BAHCC1: variants seen among roughly 807,000 people sequenced by gnomAD.
BAHCC1 encodes BAH and coiled-coil domain-containing protein 1.
BAHCC1 carries 43 observed loss-of-function variants against 88.2 expected under a neutral mutation model. That is an observed-to-expected ratio of 0.49 (90% CI 0.38 to 0.63). The LOEUF is 0.63. Among genes scored for constraint, BAHCC1 ranks in the 20% least tolerant of loss-of-function variants. BAHCC1 has a pLI of 0.00. For synonymous variants in BAHCC1, 1,510 were observed against 745.5 expected, an observed-to-expected ratio of 2.03 and a Z score of -16.71; for missense variants, 3,023 against 1,654.8, an observed-to-expected ratio of 1.83 and a Z score of -14.34.
intron 14 of BAHCC1, among the ~76,000 whole-genome samples, chr17:81,453,315 A>G (rs1335598779): frequency 6.6e-6 from 1 of 152,256 alleles, no homozygotes; most frequent in Non-Finnish European, 1.5e-5. Flanking sequence ...CGGGCCTGGT[A>G]TAATTGTCCT....
chr17:81,409,404 AG>A (rs2063920878), intron 2 of BAHCC1, among the ~76,000 whole-genome samples: 2 of 152,152 alleles, frequency 1.3e-5, no homozygotes, highest in African/African-American at 2.4e-5. Flanking sequence ...GGCCTGGGGA[AG>A]GGGGGAAGTG....
intron 2 of BAHCC1, among the ~76,000 whole-genome samples, chr17:81,417,838 G>A (rs1194834908): frequency 6.6e-6 from 1 of 152,252 alleles, no homozygotes; most frequent in Non-Finnish European, 1.5e-5. Context: ...TCCTGTTCCT[G>A]GGCGGGCGCC....
intron 3 of BAHCC1, among the ~76,000 whole-genome samples, chr17:81,427,416 G>C (rs1484063867): frequency 6.6e-6 from 1 of 152,154 alleles, no homozygotes; most frequent in Non-Finnish European, 1.5e-5. Flanking sequence ...CACACAGGCT[G>C]CCACCCAGGG....
At chr17:81,449,517 G>T (rs1353713431) in intron 11 of BAHCC1, among the ~76,000 whole-genome samples, 1 of 152,232 alleles carries the variant, frequency 6.6e-6, no homozygotes, top group African/African-American at 2.4e-5. Flanking sequence ...CCATCTGGGT[G>T]AGGCCACGTG....
At position 81,418,945 on chromosome 17, in the gene BAHCC1, C is replaced by T. The variant is rs117022809; in HGVS notation, c.179-7855C>T. Among the ~76,000 whole-genome samples, 1,430 of 151,994 alleles carry T rather than the reference C, an allele frequency of 9.4e-3. 13 individuals are homozygous for T. Among genetic ancestry groups the T allele is most frequent in the Non-Finnish European group, 0.012 (837 of 67,992 alleles). On this transcript the variant is annotated intron_variant, in intron 2 of 27. Transcript: ENST00000675386. ...ACACACCCCGTGAGTCACACACAGT[C>T]CCTCCCCTGCCTCTGTGCAAGTGTG...
chr17:81,456,993 A>G (rs1555657467), intron 16 of BAHCC1, among the ~76,000 whole-genome samples: 3 of 152,102 alleles, frequency 2.0e-5, no homozygotes, highest in Admixed American at 1.3e-4. Flanking sequence ...CTAGAAAAAT[A>G]GAAGCTTCCT....
In BAHCC1 at chr17:81,449,913, A is replaced by G. The variant is rs545240552; in HGVS notation, c.3977-1755A>G. On this transcript the variant is annotated intron_variant, in intron 11 of 27. Transcript: ENST00000675386. ...TACTTGAGGAGGGAAGCAGCCACGC[A>G]CCATGGAGTGCCCCAGCCTGGGCGC... Among the ~76,000 whole-genome samples, 100 of 152,216 alleles carry G rather than the reference A, an allele frequency of 6.6e-4. No individual in the cohort carries two copies. The Middle Eastern group carries it at 0.027, about 41-fold the overall frequency.
At chr17:81,407,216 G>A (rs1243493860) in intron 2 of BAHCC1, 1 of 417,142 alleles carries the variant, frequency 2.4e-6, no homozygotes, top group Admixed American at 2.8e-5. Context: ...TGGGGGATGG[G>A]TGTGCTTCCA....
chr17:81,413,129 C>T (rs1555648087), intron 2 of BAHCC1: 1 of 445,858 alleles, frequency 2.2e-6, no homozygotes, highest in East Asian at 7.8e-5. Flanking sequence ...CTGAGGCCCC[C>T]CACAGCAGCC....
chr17:81,425,719 GGGTGATGTGGTTGGT>G (rs1224263672), intron 2 of BAHCC1, among the ~76,000 whole-genome samples: 13 of 140,128 alleles, frequency 9.3e-5, no homozygotes, highest in South Asian at 2.4e-4. Context: ...TGATAGTGGT[GGGTGATGTGGTTGGT>G]GGTGATGTGG....
At position 81,410,288 on chromosome 17, in the gene BAHCC1, C is replaced by A. The variant is rs11656171; in HGVS notation, c.178+10371C>A. On this transcript the variant is annotated intron_variant, in intron 2 of 27. Transcript: ENST00000675386. ...CTGGGACCCTTGGTGGGGCCTCCCC[C>A]CTGGGCAGCAGGCAGCGAGACTCCT... Among the ~76,000 whole-genome samples the A allele has an allele frequency of 1.7e-3, 259 of 152,238 alleles. 1 individual carries two copies. Among genetic ancestry groups the A allele is most frequent in the African/African-American group, 6.0e-3 (248 of 41,540 alleles).
At chr17:81,412,908 G>T (rs1422142155) in intron 2 of BAHCC1, among the ~76,000 whole-genome samples, 2 of 152,240 alleles carry the variant, frequency 1.3e-5, no homozygotes, top group East Asian at 3.8e-4. Flanking sequence ...GCTGTCGTGG[G>T]TGTGGGAGTG....
rs2063951463 is a variant in BAHCC1, at chr17:81,411,506, G to GCCTGCCTGCCTC, written c.178+11600_178+11601insCCCTGCCTGCCT. ...TGCCTGCCTGCCTGCCTGCCTGCCT[G>GCCTGCCTGCCTC]CCTGCCTGCCTTCCTTCCTTCCTTC... On this transcript the variant is annotated intron_variant, in intron 2 of 27. Coordinates refer to ENST00000675386, the MANE Select transcript of BAHCC1 (RefSeq NM_001377448.1). This position sits in a 1 kb window ranked among gnomAD's most constrained non-coding sequence, Gnocchi z 6.2. 1.2e-5 allele frequency: 4 copies of GCCTGCCTGCCTC among 327,870 alleles called. No homozygotes were observed. Among genetic ancestry groups the GCCTGCCTGCCTC allele is most frequent in the African/African-American group, 6.0e-5 (2 of 33,442 alleles). 20.3% of individuals were successfully genotyped at this position (327,870 alleles called of 1,614,324 possible).
In BAHCC1 at chr17:81,457,563, A is replaced by G. The variant is rs782263129; in HGVS notation, c.5012A>G (p.Lys1671Arg). 4 of 743,386 alleles carry G rather than the reference A, an allele frequency of 5.4e-6. No individual in the cohort carries two copies. Among genetic ancestry groups the G allele is most frequent in the African/African-American group, 5.1e-5 (3 of 58,416 alleles). 46.0% of individuals were successfully genotyped at this position (743,386 alleles called of 1,614,324 possible). Residue 1671 changes from lysine to arginine, a missense_variant, in exon 17 of 28, where the codon AAG (lysine) becomes AGG (arginine). Transcript: ENST00000675386. ...VVKMEANQKA[K>R]KKKERQGLLG... ...AAGATGGAGGCCAACCAGAAGGCCA[A>G]GAAGAAGAAGGAGAGGCAGGGGTTG...
At chr17:81,446,048 G>T (rs1359918725) in intron 10 of BAHCC1, among the ~76,000 whole-genome samples, 3 of 152,228 alleles carry the variant, frequency 2.0e-5, no homozygotes, top group Non-Finnish European at 2.9e-5. Flanking sequence ...CAGGGTCTCA[G>T]CAAAGCTGGG....
chr17:81,452,896 T>C (rs782016204), intron 14 of BAHCC1, 45 bp downstream of exon 14: 6 of 681,780 alleles, frequency 8.8e-6, no homozygotes, highest in Middle Eastern at 2.5e-4. Flanking sequence ...TGGCCGGCCC[T>C]GGGCCCTCGA....
intron 3 of BAHCC1, among the ~76,000 whole-genome samples, chr17:81,437,704 AAG>A (rs1329571449): frequency 6.6e-6 from 1 of 152,140 alleles, no homozygotes; most frequent in Non-Finnish European, 1.5e-5. Context: ...CCCCTTAGCC[AAG>A]AGAGGGGCCT....
At chr17:81,403,581 C>G (rs1280538241) in intron 2 of BAHCC1, among the ~76,000 whole-genome samples, 1 of 151,884 alleles carries the variant, frequency 6.6e-6, no homozygotes, top group Non-Finnish European at 1.5e-5. Flanking sequence ...TGTGAAAAGA[C>G]CCCATCACAG....
rs781817857 is a variant in BAHCC1 at position 81,447,525 on chromosome 17, A to G, written c.3653A>G (p.Glu1218Gly). 2.1e-5 allele frequency: 16 copies of G among 752,246 alleles called. No homozygotes were observed. Among genetic ancestry groups the G allele is most frequent in the Non-Finnish European group, 3.7e-5 (15 of 404,750 alleles). 46.6% of individuals were successfully genotyped at this position (752,246 alleles called of 1,614,324 possible). Reference sequence around the variant, plus strand: ...CCGGGTGCCCTTGAGGACGAGGGGGAGCAGCCGGCCCCTGAGGAGGACGAG... The same window carrying G: ...CCGGGTGCCCTTGAGGACGAGGGGGGGCAGCCGGCCCCTGAGGAGGACGAG... ...GSPGALEDEG[E>G]QPAPEEDELE... The change falls in exon 11 of 28, where the codon GAG becomes GGG. Residue 1218 changes from glutamate (E) to glycine (G), a missense_variant. Coordinates refer to ENST00000675386, the MANE Select transcript of BAHCC1 (RefSeq NM_001377448.1).
Sources: allele counts gnomAD v4.1 joint callset (sites outside exome capture counted in the v4.1 genomes callset), GRCh38; gene constraint gnomAD v4.1.1; non-coding constraint Gnocchi (gnomAD v3.1); transcripts MANE v1.5; gene names NCBI Gene and HGNC (gene_info 2026-07-23, HGNC 2026-07-21).